The following MSH3 variants were observed in gnomAD, a reference collection of about 807,000 sequenced individuals.
MSH3 encodes DNA mismatch repair protein Msh3.
MSH3 carries 106 observed loss-of-function variants against 123.3 expected under a neutral mutation model. That is an observed-to-expected ratio of 0.86 (90% confidence interval 0.73 to 1.01). The LOEUF is 1.01. Among genes scored for constraint, MSH3 ranks in the 50% least tolerant of loss-of-function variants. MSH3 has a pLI of 0.00. For missense variants in MSH3, 1,459 were observed against 1,347.6 expected (o/e 1.08, Z -1.29); for synonymous variants, 515 against 481.4 (o/e 1.07, Z -0.91).
At position 80,728,964 on chromosome 5, in the gene MSH3, GAGTA is replaced by G. The variant is rs774648275; in HGVS notation, c.1568+3_1568+6del. 3.3e-6 allele frequency: 5 copies of G among 1,536,192 alleles called. No homozygotes were observed. Among genetic ancestry groups the G allele is most frequent in the African/African-American group, 1.4e-5 (1 of 73,248 alleles). ...CTTGGAAAAGATGCTCTCCAAACCT[GAGTA>G]AGTGATTCCTCCAAAATTAAAAAAA... is the stretch of plus-strand genomic sequence containing the variant. On this transcript the variant is annotated splice_donor_variant and splice_donor_region_variant and coding_sequence_variant and intron_variant, in exon 10 of 24. Coordinates refer to ENST00000265081, the MANE Select transcript of MSH3 (RefSeq NM_002439.5). LOFTEE classifies it high-confidence loss of function.
rs919287300 is a variant in MSH3, at chr5:80,873,307, A to G, written c.3302+20A>G. ...GAAAAGGTCAGAGTGATTATGCTGC[A>G]TTTTTTCATTTGTAATGAAACCTTC... is the stretch of plus-strand genomic sequence containing the variant. On this transcript the variant is annotated intron_variant, in intron 23 of 23. Transcript: ENST00000265081. The G allele has an allele frequency of 1.9e-6, 3 of 1,612,870 alleles. No homozygotes were observed. The highest frequency in any genetic ancestry group is 2.7e-5 in the African/African-American group (2 of 74,878).
At chr5:80,735,381 CAAAAAAAA>C (rs58588808) in intron 10 of MSH3, among the ~76,000 whole-genome samples, 3 of 59,602 alleles carry the variant, frequency 5.0e-5, no homozygotes, top group African/African-American at 2.1e-4. Context: ...GACTTCATCT[CAAAAAAAA>C]AAAAAAAAAA....
chr5:80,693,831 C>T (rs1200026300), intron 8 of MSH3, among the ~76,000 whole-genome samples: 2 of 151,760 alleles, frequency 1.3e-5, no homozygotes, highest in African/African-American at 4.8e-5. Flanking sequence ...CTAATTTTTG[C>T]ATATTTTTAG....
chr5:80,758,818 C>G (rs1313549384), intron 12 of MSH3, among the ~76,000 whole-genome samples: 2 of 151,996 alleles, frequency 1.3e-5, no homozygotes, highest in Non-Finnish European at 2.9e-5. Flanking sequence ...TCTCAGAAAA[C>G]CTTTAATTTT....
chr5:80,777,956 G>T (rs555595905), intron 16 of MSH3, among the ~76,000 whole-genome samples: 1 of 152,230 alleles, frequency 6.6e-6, no homozygotes, highest in African/African-American at 2.4e-5. Flanking sequence ...GTACCTATGA[G>T]GTAGATATTA....
At chr5:80,788,450 A>G (rs528763702) in intron 18 of MSH3, among the ~76,000 whole-genome samples, 6 of 152,134 alleles carry the variant, frequency 3.9e-5, no homozygotes, top group Admixed American at 3.9e-4. Flanking sequence ...CAAAAAAAAA[A>G]ATTTTTTTTC....
chr5:80,709,270 A>T (rs1049875760), intron 8 of MSH3, among the ~76,000 whole-genome samples: 3 of 150,784 alleles, frequency 2.0e-5, no homozygotes, highest in Non-Finnish European at 2.9e-5. Context: ...AATTTGTGGA[A>T]CATTTGGTAA....
chr5:80,663,867 G>C (rs757243878), intron 2 of MSH3, among the ~76,000 whole-genome samples: 19 of 152,122 alleles, frequency 1.2e-4, no homozygotes, highest in Non-Finnish European at 2.6e-4. Flanking sequence ...CAAGCAGCTT[G>C]GGAGCAATTT....
At chr5:80,739,658 T>C (rs1262034672) in intron 10 of MSH3, among the ~76,000 whole-genome samples, 1 of 152,222 alleles carries the variant, frequency 6.6e-6, no homozygotes, top group Non-Finnish European at 1.5e-5. Flanking sequence ...TTGGAGTTGC[T>C]TCCCGCTGAA....
chr5:80,851,644 A>T (rs893434939), intron 20 of MSH3, among the ~76,000 whole-genome samples: 2 of 152,188 alleles, frequency 1.3e-5, no homozygotes, highest in African/African-American at 4.8e-5. Context: ...TTGATGACAT[A>T]TATGTAAAGC....
At chr5:80,659,391 G>A (rs2112804672) in intron 2 of MSH3, among the ~76,000 whole-genome samples, 1 of 152,240 alleles carries the variant, frequency 6.6e-6, no homozygotes, top group Non-Finnish European at 1.5e-5. Flanking sequence ...CCCATTAACA[G>A]CCACCTCCTG....
At chr5:80,677,530 C>T (rs1749869807) in intron 7 of MSH3, among the ~76,000 whole-genome samples, 1 of 152,180 alleles carries the variant, frequency 6.6e-6, no homozygotes, top group South Asian at 2.1e-4. Flanking sequence ...GATAGTCCAT[C>T]TCTCTAGGCT....
At chr5:80,847,977 A>G (rs1745753433) in intron 20 of MSH3, among the ~76,000 whole-genome samples, 1 of 152,192 alleles carries the variant, frequency 6.6e-6, no homozygotes, top group Non-Finnish European at 1.5e-5. Context: ...CACGCTTGTA[A>G]TCCAAGTGCT....
intron 8 of MSH3, among the ~76,000 whole-genome samples, chr5:80,716,401 T>A (rs1750961618): frequency 6.6e-6 from 1 of 152,132 alleles, no homozygotes; most frequent in Non-Finnish European, 1.5e-5. Flanking sequence ...ATTTCTCTCC[T>A]GTGTCTTTTA....
chr5:80,755,057 T>TG (rs1379092472), intron 12 of MSH3, among the ~76,000 whole-genome samples: 3 of 152,260 alleles, frequency 2.0e-5, no homozygotes, highest in Admixed American at 2.0e-4. Flanking sequence ...ACTCAGCCCC[T>TG]GGGGATGCAT....
intron 20 of MSH3, among the ~76,000 whole-genome samples, chr5:80,819,507 T>A (rs1167011855): frequency 6.7e-6 from 1 of 150,168 alleles, no homozygotes; most frequent in African/African-American, 2.5e-5. Context: ...AGACGGAGTT[T>A]CGCTCCTGTC....
chr5:80,854,092 T>C, intron 20 of MSH3, 38 bp from the exon 21 acceptor site: 1 of 1,529,440 alleles, frequency 6.5e-7, no homozygotes. Flanking sequence ...AATAAGAAAG[T>C]GAAGAGGAAA....
At chr5:80,795,226 T>G (rs1744676228) in intron 19 of MSH3, among the ~76,000 whole-genome samples, 1 of 152,158 alleles carries the variant, frequency 6.6e-6, no homozygotes, top group Non-Finnish European at 1.5e-5. Context: ...GGAAATACTT[T>G]GAATGACATC....
intron 10 of MSH3, among the ~76,000 whole-genome samples, chr5:80,736,561 C>T (rs1446241762): frequency 6.6e-6 from 1 of 152,094 alleles, no homozygotes; most frequent in East Asian, 1.9e-4. Context: ...GAGTCTGGGA[C>T]CTTGAATTTC....
Sources: allele counts gnomAD v4.1 joint callset (sites outside exome capture counted in the v4.1 genomes callset), GRCh38; gene constraint gnomAD v4.1.1; transcripts MANE v1.5; gene names NCBI Gene and HGNC (gene_info 2026-07-23, HGNC 2026-07-21).